Variants in RORC observed in about 807,000 individuals in gnomAD.
RORC encodes the protein RAR related orphan receptor C.
In RORC, 13 loss-of-function variants were observed where a neutral mutation model predicts 64.5. The observed-to-expected ratio is 0.20, with a 90% CI of 0.13 to 0.32. The LOEUF is 0.32. Ranked by LOEUF, RORC falls within the 10% of genes least tolerant of loss-of-function variation. The probability of loss-of-function intolerance (pLI) is 1.00; values close to 1 mark genes in which losing one functional copy is unlikely to be tolerated. For missense variants in RORC, 468 were observed against 669.5 expected (o/e 0.70, Z 3.32); for synonymous variants, 277 against 259.3 (o/e 1.07, Z -0.65).
intron 9 of RORC, chr1:151,812,684 G>C (rs988153565): frequency 8.4e-6 from 3 of 356,240 alleles, no homozygotes; most frequent in African/African-American, 6.3e-5. Flanking sequence ...ACACATTTCT[G>C]TCAGGAAAGT....
chr1:151,811,205 A>C, intron 10 of RORC, 120 bp downstream of exon 10: 1 of 582,326 alleles, frequency 1.7e-6, no homozygotes, highest in Non-Finnish European at 3.1e-6. Context: ...CAAGCTCTCT[A>C]ACAGAGAGTG....
intron 10 of RORC, among the ~76,000 whole-genome samples, chr1:151,809,174 A>C (rs1440907963): frequency 6.6e-6 from 1 of 152,244 alleles, no homozygotes. Flanking sequence ...CAAGGTGGGC[A>C]GATCACCTGA....
intron 10 of RORC, among the ~76,000 whole-genome samples, chr1:151,808,360 G>A (rs539266523): frequency 2.6e-5 from 4 of 152,320 alleles, no homozygotes; most frequent in East Asian, 1.9e-4. Flanking sequence ...GTGAGCAGAC[G>A]GAGGCAGGGA....
intron 2 of RORC, 46 bp from the exon 3 acceptor site, chr1:151,817,326 C>T: frequency 7.4e-7 from 1 of 1,346,042 alleles, no homozygotes; most frequent in South Asian, 1.2e-5. Flanking sequence ...GGCTTTTCTG[C>T]ATTCAACCAC....
chr1:151,815,431 A>G lies in RORC; in HGVS notation c.299-6T>C. ...CATGCGGCCGAACTTGACAGCTGAA[A>G]GAGGTCCAGGGACCAGGGGTTTATG... On this transcript the variant is annotated splice_polypyrimidine_tract_variant and splice_region_variant and intron_variant, in intron 4 of 10. Transcript: ENST00000318247. 6.6e-7 allele frequency: 1 copy of G among 1,526,206 alleles called. No homozygotes were observed. 94.5% of individuals were successfully genotyped at this position (1,526,206 alleles called of 1,614,324 possible).
chr1:151,825,109 G>A (rs1652138331), intron 2 of RORC, among the ~76,000 whole-genome samples: 1 of 152,194 alleles, frequency 6.6e-6, no homozygotes, highest in South Asian at 2.1e-4. Context: ...TCTGCTGGAA[G>A]GCACAGGAAC....
intron 6 of RORC, 124 bp downstream of exon 6, chr1:151,814,450 T>C (rs1249285688): frequency 3.0e-6 from 3 of 1,005,196 alleles, no homozygotes; most frequent in Non-Finnish European, 4.4e-6. Flanking sequence ...CACATGCTTG[T>C]TGGCCAGCCT....
chr1:151,826,114 C>T (rs1652186731), intron 2 of RORC: 7 of 1,346,480 alleles, frequency 5.2e-6, no homozygotes, highest in African/African-American at 3.0e-5. Flanking sequence ...TTAAGCTCTG[C>T]ACCACACAGG....
intron 2 of RORC, among the ~76,000 whole-genome samples, chr1:151,828,736 T>C (rs1652287612): frequency 6.6e-6 from 1 of 151,982 alleles, no homozygotes; most frequent in South Asian, 2.1e-4. Context: ...ATCTCAGCAC[T>C]TTGGGAGGCC....
In RORC at chr1:151,816,704, G is replaced by A; in HGVS notation, c.258C>T (p.Cys86=). Residue 86 remains cysteine, a synonymous_variant, in exon 4 of 11, where the codon TGC becomes TGT. Coordinates refer to ENST00000318247, the MANE Select transcript of RORC (RefSeq NM_005060.4). ...CCAGCGCCAGGCATTTCTGCAGGCGGCAGTGCTGGCATCGGTTTCGGCTGG... is the reference window on the plus strand; with the variant it reads ...CCAGCGCCAGGCATTTCTGCAGGCGACAGTGCTGGCATCGGTTTCGGCTGG... ...DRTSRNRCQH[C]RLQKCLALGM... is the part of the protein sequence containing the mutation. 1 of 1,605,228 alleles carries A rather than the reference G, an allele frequency of 6.2e-7. No homozygotes were observed. Among genetic ancestry groups the A allele is most frequent in the Admixed American group, 1.7e-5 (1 of 58,730 alleles).
At chr1:151,815,544 G>A (rs745641039) in intron 4 of RORC, 119 bp from the exon 5 acceptor site, 2 of 1,313,054 alleles carry the variant, frequency 1.5e-6, no homozygotes, top group Non-Finnish European at 2.0e-6. Context: ...CTGACTCCAA[G>A]CACAGCTTCT....
At chr1:151,811,083 A>G (rs909963675) in intron 10 of RORC, among the ~76,000 whole-genome samples, 2 of 152,154 alleles carry the variant, frequency 1.3e-5, no homozygotes, top group Non-Finnish European at 2.9e-5. Flanking sequence ...AGTGCTGGCT[A>G]TATTAAACTG....
chr1:151,816,225 TG>T (rs1437255883), intron 4 of RORC, among the ~76,000 whole-genome samples: 5 of 152,182 alleles, frequency 3.3e-5, no homozygotes, highest in African/African-American at 1.2e-4. Context: ...ACCCTCTGGT[TG>T]TTCTCAGGCC....
chr1:151,824,209 G>A (rs1652103275), intron 2 of RORC, among the ~76,000 whole-genome samples: 2 of 152,162 alleles, frequency 1.3e-5, no homozygotes, highest in African/African-American at 2.4e-5. Context: ...TGAGATACCT[G>A]TAAATGTCCA....
intron 7 of RORC, 48 bp from the exon 8 acceptor site, chr1:151,813,394 G>A: frequency 6.2e-7 from 1 of 1,608,648 alleles, no homozygotes; most frequent in Non-Finnish European, 8.5e-7. Context: ...AGCAAAGCCA[G>A]GATCTGACTC....
chr1:151,821,353 G>T (rs1651989489), intron 2 of RORC, among the ~76,000 whole-genome samples: 1 of 152,170 alleles, frequency 6.6e-6, no homozygotes, highest in Non-Finnish European at 1.5e-5. Flanking sequence ...AGAAACCCCG[G>T]GGTCCTCATC....
At chr1:151,826,869 G>C (rs1404677718) in intron 2 of RORC, among the ~76,000 whole-genome samples, 1 of 152,226 alleles carries the variant, frequency 6.6e-6, no homozygotes, top group Non-Finnish European at 1.5e-5. Context: ...TGTAATCCCA[G>C]CACTTTGGGA....
Position 151,814,947 on chromosome 1 carries a change from T to G in RORC, c.777A>C (p.Thr259=). ...TCAGGGAGGCATAGGGTGCCTCCGG[T>G]GTGCTGCGGAAACTGGGGCTGCCGT... is the stretch of plus-strand genomic sequence containing the variant. The part of the protein sequence containing the change: ...DSYGSPSFRS[T]PEAPYASLTE... The change falls in exon 5 of 11, where the codon ACA becomes ACC. Residue 259 remains threonine (T), a synonymous_variant. Coordinates refer to ENST00000318247, the MANE Select transcript of RORC (RefSeq NM_005060.4). 1 of 1,614,076 alleles carries G rather than the reference T, an allele frequency of 6.2e-7. No individual in the cohort carries two copies. The highest frequency in any genetic ancestry group is 1.1e-5 in the South Asian group (1 of 91,078).
chr1:151,827,361 C>G (rs564773071), intron 2 of RORC, among the ~76,000 whole-genome samples: 2 of 152,276 alleles, frequency 1.3e-5, no homozygotes, highest in South Asian at 4.2e-4. Context: ...GTGAGTCTCT[C>G]TGGAGTGTTT....
Sources: allele counts gnomAD v4.1 joint callset (sites outside exome capture counted in the v4.1 genomes callset), GRCh38; gene constraint gnomAD v4.1.1; transcripts MANE v1.5; gene names NCBI Gene and HGNC (gene_info 2026-07-23, HGNC 2026-07-21).